Variants in NKAIN3 observed in about 807,000 individuals in gnomAD.
The protein encoded by NKAIN3 is sodium/potassium transporting ATPase interacting 3, also known as sodium/potassium-transporting ATPase subunit beta-1-interacting protein 3.
A neutral mutation model predicts 30.2 loss-of-function variants in NKAIN3; 25 were observed. That is an observed-to-expected ratio of 0.83 (90% CI 0.60 to 1.16). The LOEUF (loss-of-function observed/expected upper bound fraction) is 1.16. Ranked by LOEUF, NKAIN3 falls within the 50% of genes most tolerant of loss-of-function variation. The probability of loss-of-function intolerance (pLI) is 0.00; values close to 1 mark genes in which losing one functional copy is unlikely to be tolerated. For missense variants in NKAIN3, 225 were observed against 254.1 expected, an observed-to-expected ratio of 0.89 and a Z score of 0.78; for synonymous variants, 91 against 89.6, an observed-to-expected ratio of 1.02 and a Z score of -0.09.
intron 1 of NKAIN3, chr8:62,383,453 T>C (rs975650943): frequency 2.2e-6 from 1 of 453,578 alleles, no homozygotes; most frequent in African/African-American, 2.0e-5. Context: ...TAAATGCTCT[T>C]TGTGGCTTTT....
chr8:62,565,363 T>TGC lies in NKAIN3; in HGVS notation c.55-14174_55-14173dup, dbSNP rs34622714. Reference sequence around the variant, plus strand: ...ATATGTATACATGGGCATACGTGTGTGCGTGTGTGTGTGTGTGTGTGACAG... The same window carrying TGC: ...ATATGTATACATGGGCATACGTGTGTGCGCGTGTGTGTGTGTGTGTGTGACAG... On this transcript the variant is annotated intron_variant, in intron 1 of 6. Coordinates refer to ENST00000623646, the MANE Select transcript of NKAIN3 (RefSeq NM_001304533.3). 3.4e-5 allele frequency among the ~76,000 whole-genome samples: 4 copies of TGC among 116,106 alleles called. No individual in the cohort carries two copies. In the South Asian group the frequency reaches 1.2e-3, roughly 35 times the overall value. The allele number at this position is 116,106 out of a possible 152,430, so 76.2% of individuals were successfully genotyped here.
chr8:62,882,538 G>A (rs192115597), intron 4 of NKAIN3, among the ~76,000 whole-genome samples: 3 of 152,056 alleles, frequency 2.0e-5, no homozygotes, highest in Non-Finnish European at 2.9e-5. Flanking sequence ...GGCTGGTCTC[G>A]AACTCTTTGC....
At chr8:62,403,878 G>T (rs929512933) in intron 1 of NKAIN3, among the ~76,000 whole-genome samples, 4 of 152,206 alleles carry the variant, frequency 2.6e-5, no homozygotes, top group Non-Finnish European at 5.9e-5. Flanking sequence ...CTTGCACCAT[G>T]TGCCTGGAAA....
chr8:62,384,875 G>C (rs1446898366), intron 1 of NKAIN3, among the ~76,000 whole-genome samples: 1 of 152,096 alleles, frequency 6.6e-6, no homozygotes, highest in African/African-American at 2.4e-5. Context: ...CCTAAATCAA[G>C]TATAAATCAA....
chr8:62,579,972 G>A (rs1320648565), intron 2 of NKAIN3, among the ~76,000 whole-genome samples: 1 of 152,114 alleles, frequency 6.6e-6, no homozygotes, highest in Non-Finnish European at 1.5e-5. Context: ...AGAGTAGGAG[G>A]TCTGCTTGTA....
Position 62,837,871 on chromosome 8 carries a change from G to T in NKAIN3, c.472-80582G>T, listed in dbSNP as rs140291511. Among the ~76,000 whole-genome samples, 710 of 152,034 alleles carry T rather than the reference G, an allele frequency of 4.7e-3. 11 individuals are homozygous for T. Among genetic ancestry groups the T allele is most frequent in the Non-Finnish European group, 6.0e-3 (406 of 67,986 alleles). ...CCCACCAAAACAAATCCTATCATAG[G>T]AAGCTGCAATATGCTTGGGGGCTTG... On this transcript the variant is annotated intron_variant, in intron 4 of 6. Coordinates refer to ENST00000623646, the MANE Select transcript of NKAIN3 (RefSeq NM_001304533.3).
intron 1 of NKAIN3, among the ~76,000 whole-genome samples, chr8:62,302,300 C>T (rs1814076089): frequency 6.6e-6 from 1 of 152,006 alleles, no homozygotes; most frequent in Non-Finnish European, 1.5e-5. Flanking sequence ...AAAAGACATT[C>T]TTTCTTCTTA....
chr8:62,273,594 G>A (rs1403708542), intron 1 of NKAIN3, among the ~76,000 whole-genome samples: 3 of 152,156 alleles, frequency 2.0e-5, no homozygotes, highest in South Asian at 2.1e-4. Flanking sequence ...TTTCCTTCCC[G>A]AAATCAAGAT....
intron 1 of NKAIN3, among the ~76,000 whole-genome samples, chr8:62,353,006 C>G (rs1270649646): frequency 6.6e-6 from 1 of 152,122 alleles, no homozygotes. Flanking sequence ...GTTACTTGAT[C>G]AGTAATAAAA....
intron 1 of NKAIN3, among the ~76,000 whole-genome samples, chr8:62,353,566 A>T (rs1471237413): frequency 6.6e-6 from 1 of 152,214 alleles, no homozygotes; most frequent in Admixed American, 6.5e-5. Context: ...AAACTATGAG[A>T]TATAGCACTA....
At chr8:62,612,418 T>C (rs78081288) in intron 3 of NKAIN3, among the ~76,000 whole-genome samples, 16,084 of 152,016 alleles carry the variant, frequency 0.11, 1,063 homozygotes, top group East Asian at 0.32. Context: ...TTTTGTCTGA[T>C]ATAAGTATAA....
At chr8:62,463,968 A>T (rs948839864) in intron 1 of NKAIN3, among the ~76,000 whole-genome samples, 1 of 151,614 alleles carries the variant, frequency 6.6e-6, no homozygotes, top group African/African-American at 2.4e-5. Flanking sequence ...GATGAGGGGG[A>T]ATACTGTACC....
At chr8:62,467,936 A>AT (rs1319883532) in intron 1 of NKAIN3, among the ~76,000 whole-genome samples, 1 of 151,732 alleles carries the variant, frequency 6.6e-6, no homozygotes, top group Admixed American at 6.6e-5. Context: ...TGCCTGGCTA[A>AT]TTTTTTTGCA....
chr8:62,524,375 T>C (rs1378533695), intron 1 of NKAIN3, among the ~76,000 whole-genome samples: 2 of 152,292 alleles, frequency 1.3e-5, no homozygotes, highest in African/African-American at 4.8e-5. Context: ...CAGAGATTTA[T>C]GCTGTCATTG....
intron 1 of NKAIN3, among the ~76,000 whole-genome samples, chr8:62,269,957 A>C (rs1812730764): frequency 6.6e-6 from 1 of 152,212 alleles, no homozygotes; most frequent in South Asian, 2.1e-4. Context: ...ATAAAAAAGT[A>C]ATTTATGTTA....
At chr8:62,858,318 C>G (rs557681010) in intron 4 of NKAIN3, among the ~76,000 whole-genome samples, 1 of 152,188 alleles carries the variant, frequency 6.6e-6, no homozygotes, top group Non-Finnish European at 1.5e-5. Flanking sequence ...GAGGTCTCAC[C>G]CAGTCAGAAG....
chr8:62,678,884 T>A (rs1010148672), intron 3 of NKAIN3, among the ~76,000 whole-genome samples: 1 of 152,164 alleles, frequency 6.6e-6, no homozygotes, highest in African/African-American at 2.4e-5. Context: ...AGCTAATAAA[T>A]GTGTCATGTA....
chr8:62,477,326 A>G (rs1402972978), intron 1 of NKAIN3, among the ~76,000 whole-genome samples: 1 of 146,856 alleles, frequency 6.8e-6, no homozygotes, highest in African/African-American at 2.5e-5. Flanking sequence ...ACAACAGTAC[A>G]TCTATTTTGC....
chr8:62,988,946 A>T (rs1172711984), downstream of NKAIN3, among the ~76,000 whole-genome samples: 1 of 152,178 alleles, frequency 6.6e-6, no homozygotes, highest in East Asian at 1.9e-4. Context: ...ATGCTAAATC[A>T]TCTCTTTCAA....
Sources: allele counts gnomAD v4.1 joint callset (sites outside exome capture counted in the v4.1 genomes callset), GRCh38; gene constraint gnomAD v4.1.1; transcripts MANE v1.5; gene names NCBI Gene and HGNC (gene_info 2026-07-23, HGNC 2026-07-21).